The following ARIH1 variants were observed in gnomAD, a reference collection of about 807,000 sequenced individuals.
The protein encoded by ARIH1 is E3 ubiquitin-protein ligase ARIH1.
Under a neutral mutation model 85.0 loss-of-function variants are expected in ARIH1, and 8 were observed. The ratio of observed to expected loss-of-function variants is 0.09; its 90% CI spans 0.06 to 0.17. The LOEUF (loss-of-function observed/expected upper bound fraction) is 0.17. Ranked by LOEUF, ARIH1 falls within the 10% of genes least tolerant of loss-of-function variation. ARIH1 has a pLI of 1.00. For synonymous variants in ARIH1, 238 were observed against 253.6 expected, an observed-to-expected ratio of 0.94 and a Z score of 0.59; for missense variants, 311 against 718.1, an observed-to-expected ratio of 0.43 and a Z score of 6.48.
intron 1 of ARIH1, among the ~76,000 whole-genome samples, chr15:72,482,139 A>G (rs1361462189): frequency 6.6e-6 from 1 of 152,124 alleles, no homozygotes; most frequent in African/African-American, 2.4e-5. Flanking sequence ...CCCGGCCAGT[A>G]TTTTCAAATA....
At chr15:72,499,124 C>T (rs1170910762) in intron 1 of ARIH1, among the ~76,000 whole-genome samples, 2 of 151,428 alleles carry the variant, frequency 1.3e-5, no homozygotes, top group South Asian at 2.1e-4. Flanking sequence ...GGGAGGCGCA[C>T]GCCACCACAC....
chr15:72,524,386 G>A (rs1228925083), intron 2 of ARIH1, among the ~76,000 whole-genome samples: 1 of 150,570 alleles, frequency 6.6e-6, no homozygotes, highest in Non-Finnish European at 1.5e-5. Flanking sequence ...GCTAATGTTT[G>A]TATTTTTTGG....
chr15:72,546,036 A>C (rs982726094), intron 3 of ARIH1, among the ~76,000 whole-genome samples: 1 of 152,074 alleles, frequency 6.6e-6, no homozygotes, highest in African/African-American at 2.4e-5. Context: ...TTATTTTAAC[A>C]ATTATTTGGT....
In ARIH1 at chr15:72,474,783, G is replaced by A; in HGVS notation, c.144G>A (p.Val48=). Residue 48 remains valine (V), a synonymous_variant, in exon 1 of 14, where the codon GTG becomes GTA. Coordinates refer to ENST00000379887, the MANE Select transcript of ARIH1 (RefSeq NM_005744.5). The stretch of plus-strand genomic sequence containing the variant: ...TGGATCTGGGCGAGGTGGAGCTGGT[G>A]GAGCCCGGGCTGGGCGTCGGCGGGG... The part of the protein sequence containing the change: ...DTLDLGEVEL[V]EPGLGVGGER... 1 of 1,523,044 alleles carries A rather than the reference G, an allele frequency of 6.6e-7. No homozygotes were observed. Among genetic ancestry groups the A allele is most frequent in the East Asian group, 2.7e-5 (1 of 37,090 alleles). 94.3% of individuals were successfully genotyped at this position (1,523,044 alleles called of 1,614,324 possible).
At chr15:72,552,029 G>A (rs1415926450) in intron 3 of ARIH1, among the ~76,000 whole-genome samples, 4 of 152,160 alleles carry the variant, frequency 2.6e-5, no homozygotes, top group African/African-American at 7.2e-5. Context: ...CATAAATGAC[G>A]ACAATCTCTT....
chr15:72,475,624 T>C (rs1312408669), intron 1 of ARIH1, among the ~76,000 whole-genome samples: 1 of 152,224 alleles, frequency 6.6e-6, no homozygotes, highest in South Asian at 2.1e-4. Flanking sequence ...TACATCTTTT[T>C]TATGTCTTTG....
rs2064385174 is a variant in ARIH1 at position 72,602,459 on chromosome 15, A to G, written c.*19167A>G. ...GGTGAATTGTTCATAAACTTTGCTT[A>G]CTTATTATCTAATGTCTGACTAATT... On this transcript the variant is annotated 3_prime_UTR_variant, in exon 14 of 14. Coordinates refer to ENST00000379887, the MANE Select transcript of ARIH1 (RefSeq NM_005744.5). 6.6e-6 allele frequency: 1 copy of G among 152,210 alleles called. No homozygotes were observed. Among genetic ancestry groups the G allele is most frequent in the Non-Finnish European group, 1.5e-5 (1 of 68,030 alleles). The allele number at this position is 152,210 out of a possible 1,614,324, so 9.4% of individuals were successfully genotyped here. A position where few individuals can be genotyped will look rare whatever the true frequency, so the allele number is the denominator to read the frequency against.
intron 1 of ARIH1, among the ~76,000 whole-genome samples, chr15:72,515,484 G>A (rs2063971117): frequency 6.6e-6 from 1 of 152,200 alleles, no homozygotes; most frequent in East Asian, 1.9e-4. Context: ...TGTATTTGCT[G>A]TGTTTGGTAG....
chr15:72,532,728 A>G (rs948275487), intron 2 of ARIH1, among the ~76,000 whole-genome samples: 1 of 152,246 alleles, frequency 6.6e-6, no homozygotes, highest in African/African-American at 2.4e-5. Context: ...TCAGCAATAC[A>G]TATATAAAAA....
At chr15:72,489,751 T>C (rs1462120174) in intron 1 of ARIH1, among the ~76,000 whole-genome samples, 1 of 152,218 alleles carries the variant, frequency 6.6e-6, no homozygotes, top group Non-Finnish European at 1.5e-5. Context: ...AGCGTATTGC[T>C]GTTACCTCAA....
chr15:72,510,531 T>A (rs1048560777), intron 1 of ARIH1, among the ~76,000 whole-genome samples: 2 of 151,556 alleles, frequency 1.3e-5, no homozygotes, highest in Non-Finnish European at 2.9e-5. Context: ...GATCACGAGG[T>A]CAGGAGATCG....
At chr15:72,563,571 T>TA in intron 7 of ARIH1, 71 bp downstream of exon 7, 1 of 1,326,522 alleles carries the variant, frequency 7.5e-7, no homozygotes, top group Non-Finnish European at 1.1e-6. Flanking sequence ...TTCTTGGTAG[T>TA]AAAATAGCAG....
chr15:72,548,734 G>A (rs762063913), intron 3 of ARIH1, among the ~76,000 whole-genome samples: 4 of 152,110 alleles, frequency 2.6e-5, no homozygotes, highest in Non-Finnish European at 5.9e-5. Flanking sequence ...TATTGGATGA[G>A]TGAGTTCTTC....
chr15:72,526,085 T>C (rs959653772), intron 2 of ARIH1, among the ~76,000 whole-genome samples: 2 of 152,212 alleles, frequency 1.3e-5, no homozygotes, highest in African/African-American at 4.8e-5. Context: ...CATCGTATTT[T>C]TTAAAAATCG....
At chr15:72,514,184 G>T (rs866868365) in intron 1 of ARIH1, among the ~76,000 whole-genome samples, 10 of 151,898 alleles carry the variant, frequency 6.6e-5, no homozygotes, top group Middle Eastern at 6.8e-3. Context: ...CTTCATTTCT[G>T]AACTATACTT....
intron 11 of ARIH1, among the ~76,000 whole-genome samples, chr15:72,573,637 G>A (rs1316105287): frequency 6.6e-6 from 1 of 151,646 alleles, no homozygotes; most frequent in African/African-American, 2.4e-5. Flanking sequence ...ACAATGTTTG[G>A]GTCCATTTAA....
chr15:72,524,971 G>A (rs1273156244), intron 2 of ARIH1, among the ~76,000 whole-genome samples: 4 of 152,234 alleles, frequency 2.6e-5, no homozygotes, highest in African/African-American at 4.8e-5. Flanking sequence ...TGCAACCTCC[G>A]CCTCCCAGGT....
intron 5 of ARIH1, among the ~76,000 whole-genome samples, chr15:72,556,979 A>G (rs1212283524): frequency 3.3e-5 from 5 of 152,174 alleles, no homozygotes; most frequent in Non-Finnish European, 5.9e-5. Context: ...ATGGGCATCT[A>G]GGTTGATTTC....
chr15:72,520,276 A>G (rs2063993673), intron 2 of ARIH1, among the ~76,000 whole-genome samples: 1 of 152,166 alleles, frequency 6.6e-6, no homozygotes, highest in South Asian at 2.1e-4. Context: ...TGTCTTTAAA[A>G]TCAATATGCA....
Sources: allele counts gnomAD v4.1 joint callset (sites outside exome capture counted in the v4.1 genomes callset), GRCh38; gene constraint gnomAD v4.1.1; transcripts MANE v1.5; gene names NCBI Gene and HGNC (gene_info 2026-07-23, HGNC 2026-07-21).